The following HMGA2 variants were observed in gnomAD, a reference collection of about 807,000 sequenced individuals.
The protein encoded by HMGA2 is high mobility group protein HMGI-C.
In HMGA2, 8 loss-of-function variants were observed where a neutral mutation model predicts 19.1. The observed-to-expected ratio is 0.42, with a 90% CI of 0.25 to 0.76. HMGA2 has a LOEUF of 0.76. Ranked by LOEUF, HMGA2 falls within the 30% of genes least tolerant of loss-of-function variation. The pLI, the probability that HMGA2 is intolerant of heterozygous loss-of-function variation, is 0.28. For missense variants in HMGA2, 109 were observed against 136.3 expected, an observed-to-expected ratio of 0.80 and a Z score of 1.00; for synonymous variants, 60 against 48.8, an observed-to-expected ratio of 1.23 and a Z score of -0.96.
intron 3 of HMGA2, among the ~76,000 whole-genome samples, chr12:65,927,843 G>T (rs1240524935): frequency 6.7e-6 from 1 of 149,836 alleles, no homozygotes. Context: ...GTGTGTGTGT[G>T]TGTGTGTGTA....
At chr12:65,833,613 G>A (rs12322438) in intron 2 of HMGA2, among the ~76,000 whole-genome samples, 6,302 of 152,164 alleles carry the variant, frequency 0.041, 389 homozygotes, top group African/African-American at 0.14. Flanking sequence ...AGGAAACTTG[G>A]AAATACATTA....
rs927274105 is a variant in HMGA2 at position 65,930,372 on chromosome 12, C to A, written c.250-21011C>A. On this transcript the variant is annotated intron_variant, in intron 3 of 4. Coordinates refer to ENST00000403681, the MANE Select transcript of HMGA2 (RefSeq NM_003483.6). ...TTTACAAAAGATTGAAAAATGTGCC[C>A]AGGGCCCGTACCTGCCCCTCTGTGG... Among the ~76,000 whole-genome samples, 10 of 152,306 alleles carry A rather than the reference C, an allele frequency of 6.6e-5. No individual in the cohort carries two copies. The South Asian group carries it at 2.1e-3, about 32-fold the overall frequency.
chr12:65,951,613 G>A (rs1297275382), intron 4 of HMGA2, 198 bp downstream of exon 4: 1 of 515,442 alleles, frequency 1.9e-6, no homozygotes, highest in Non-Finnish European at 3.5e-6. Flanking sequence ...CTCCCAAAAT[G>A]TAAGGTCTTA....
At position 65,837,389 on chromosome 12, in the gene HMGA2, G is replaced by C. The variant is rs543975220; in HGVS notation, c.199-1130G>C. Among the ~76,000 whole-genome samples, 3 of 152,274 alleles carry C rather than the reference G, an allele frequency of 2.0e-5. No individual in the cohort carries two copies. In the South Asian group the frequency reaches 6.2e-4, roughly 32 times the overall value. On this transcript the variant is annotated intron_variant, in intron 2 of 4. Coordinates refer to ENST00000403681, the MANE Select transcript of HMGA2 (RefSeq NM_003483.6). The stretch of plus-strand genomic sequence containing the variant: ...TTGTTTTTACCAGGCAGATTGAAGA[G>C]AAAAAGAGGAAAGTTTCATTTGGCA...
rs571448054 is a variant in HMGA2, at chr12:65,922,927, A to G, written c.250-28456A>G. Among the ~76,000 whole-genome samples, 8 of 152,186 alleles carry G rather than the reference A, an allele frequency of 5.3e-5. No homozygotes were observed. In the South Asian group the frequency reaches 8.3e-4, roughly 16 times the overall value. ...TTCCTCATTTTCTCTTGCCACCACC[A>G]TGTAAGAAGTGTCTTTCGCCTACCA... On this transcript the variant is annotated intron_variant, in intron 3 of 4. Coordinates refer to ENST00000403681, the MANE Select transcript of HMGA2 (RefSeq NM_003483.6).
intron 3 of HMGA2, among the ~76,000 whole-genome samples, chr12:65,941,456 A>G (rs2121292710): frequency 6.6e-6 from 1 of 152,330 alleles, no homozygotes; most frequent in African/African-American, 2.4e-5. Context: ...CTCGGAGTGA[A>G]TATTAAGCTT....
intron 3 of HMGA2, among the ~76,000 whole-genome samples, chr12:65,918,863 G>A (rs1875202279): frequency 2.0e-5 from 3 of 152,152 alleles, no homozygotes; most frequent in Non-Finnish European, 4.4e-5. Context: ...TCCATTTCCT[G>A]GCAGTATTTC....
chr12:65,824,828 A>C lies in HMGA2; in HGVS notation c.-443A>C, dbSNP rs1870055875. 4.2e-6 allele frequency: 1 copy of C among 239,764 alleles called. No homozygotes were observed. The highest frequency in any genetic ancestry group is 2.2e-5 in the African/African-American group (1 of 44,834). 14.9% of individuals were successfully genotyped at this position (239,764 alleles called of 1,614,324 possible). A position where few individuals can be genotyped will look rare whatever the true frequency, so the allele number is the denominator to read the frequency against. ...CCCCGCCTAACATTTCAAGGGACAC[A>C]ATTCACTCCAAGTCTCTTCCCTTTC... On this transcript the variant is annotated 5_prime_UTR_variant, in exon 1 of 5. Transcript: ENST00000403681.
intron 3 of HMGA2, among the ~76,000 whole-genome samples, chr12:65,921,612 T>C (rs908591615): frequency 4.6e-5 from 7 of 152,094 alleles, no homozygotes; most frequent in Non-Finnish European, 5.9e-5. Flanking sequence ...GACTATGTGA[T>C]AGAAAAGAAA....
At chr12:65,869,901 T>C (rs185298724) in intron 3 of HMGA2, among the ~76,000 whole-genome samples, 9 of 152,224 alleles carry the variant, frequency 5.9e-5, no homozygotes, top group African/African-American at 2.2e-4. Flanking sequence ...GACTCTAAAG[T>C]CCATGATTTT....
At chr12:65,864,989 C>T (rs1450635867) in intron 3 of HMGA2, among the ~76,000 whole-genome samples, 3 of 152,144 alleles carry the variant, frequency 2.0e-5, no homozygotes, top group African/African-American at 7.2e-5. Flanking sequence ...TCTTCTGCCT[C>T]TGTTACCCCT....
At chr12:65,899,540 C>A (rs1193411781) in intron 3 of HMGA2, among the ~76,000 whole-genome samples, 4 of 152,152 alleles carry the variant, frequency 2.6e-5, no homozygotes, top group Admixed American at 2.0e-4. Flanking sequence ...GGGTTTGAAT[C>A]AAGTTTATCT....
At chr12:65,842,742 T>C (rs1023663524) in intron 3 of HMGA2, 1 of 1,422,314 alleles carries the variant, frequency 7.0e-7, no homozygotes, top group African/African-American at 1.4e-5. Context: ...TCTATAGAAT[T>C]CCATTAGCCA....
chr12:65,946,625 C>T (rs1483312586), intron 3 of HMGA2, among the ~76,000 whole-genome samples: 2 of 152,018 alleles, frequency 1.3e-5, no homozygotes, highest in African/African-American at 4.8e-5. Flanking sequence ...CAATACCTAC[C>T]AGAAGGAGTG....
At chr12:65,882,926 T>C (rs1010894973) in intron 3 of HMGA2, among the ~76,000 whole-genome samples, 1 of 152,244 alleles carries the variant, frequency 6.6e-6, no homozygotes, top group Non-Finnish European at 1.5e-5. Context: ...TATGTTTTTG[T>C]TCAGCTTTGA....
Position 65,927,011 on chromosome 12 carries a change from C to G in HMGA2, c.250-24372C>G, listed in dbSNP as rs148554215. On this transcript the variant is annotated intron_variant, in intron 3 of 4. Coordinates refer to ENST00000403681, the MANE Select transcript of HMGA2 (RefSeq NM_003483.6). ...GAGGAGGGTATATCATTGGAGACTC[C>G]TAGGTGAATGGCGTGGATGTTACTC... Among the ~76,000 whole-genome samples, 463 of 152,274 alleles carry G rather than the reference C, an allele frequency of 3.0e-3. 3 individuals are homozygous for G. The highest frequency in any genetic ancestry group is 0.011 in the African/African-American group (437 of 41,566).
intron 3 of HMGA2, among the ~76,000 whole-genome samples, chr12:65,850,532 TA>T (rs941370423): frequency 1.3e-4 from 20 of 149,688 alleles, no homozygotes; most frequent in African/African-American, 3.2e-4. Flanking sequence ...TTTTTTTTAC[TA>T]AAAAAAAAGA....
intron 3 of HMGA2, among the ~76,000 whole-genome samples, chr12:65,884,433 T>C (rs181465040): frequency 6.6e-6 from 1 of 152,194 alleles, no homozygotes; most frequent in Non-Finnish European, 1.5e-5. Context: ...CTCATGGCTG[T>C]TGGGAAAAAT....
chr12:65,845,945 CT>C (rs1466495507), intron 3 of HMGA2, among the ~76,000 whole-genome samples: 1 of 152,210 alleles, frequency 6.6e-6, no homozygotes, highest in Non-Finnish European at 1.5e-5. Context: ...CTCCTCCCCC[CT>C]GCTGCCTGCC....
Sources: allele counts gnomAD v4.1 joint callset (sites outside exome capture counted in the v4.1 genomes callset), GRCh38; gene constraint gnomAD v4.1.1; transcripts MANE v1.5; gene names NCBI Gene and HGNC (gene_info 2026-07-23, HGNC 2026-07-21).